Variants in LGR4 observed in about 807,000 individuals in gnomAD.
LGR4 encodes leucine rich repeat containing G protein-coupled receptor 4.
LGR4 carries 44 observed loss-of-function variants against 84.8 expected under a neutral mutation model. The ratio of observed to expected loss-of-function variants is 0.52; its 90% CI spans 0.41 to 0.67. The LOEUF (loss-of-function observed/expected upper bound fraction) is 0.67, where lower values mean the gene tolerates loss of function less well. LGR4 is among the 30% of genes least tolerant of loss of function. The pLI is 0.00. For missense variants in LGR4, 1,032 were observed against 1,131.4 expected (o/e 0.91, Z 1.26); for synonymous variants, 429 against 434.3 (o/e 0.99, Z 0.15).
In LGR4 at chr11:27,384,405, T is replaced by C. The variant is rs758727838; in HGVS notation, c.620A>G (p.His207Arg). Reference protein sequence around the residue: ...FTNLSSLVVLHLHNNKIRSLS... With the variant: ...FTNLSSLVVLRLHNNKIRSLS... Reference sequence around the variant, plus strand: ...GCTTCTAATTTTATTGTTATGAAGATGCCTAAGGGGGAAAAAAAGCATAAA... The same window carrying C: ...GCTTCTAATTTTATTGTTATGAAGACGCCTAAGGGGGAAAAAAAGCATAAA... The change falls in exon 6 of 18, where the codon CAT becomes CGT. Residue 207 changes from histidine (H) to arginine (R), a missense_variant and splice_region_variant. Transcript: ENST00000379214. The C allele has an allele frequency of 6.5e-5, 104 of 1,604,946 alleles. No individual in the cohort carries two copies. The highest frequency in any genetic ancestry group is 8.8e-5 in the Non-Finnish European group (103 of 1,173,444).
chr11:27,393,569 T>C (rs188332959), intron 2 of LGR4, among the ~76,000 whole-genome samples: 1 of 152,142 alleles, frequency 6.6e-6, no homozygotes, highest in East Asian at 1.9e-4. Context: ...AAACTTAACA[T>C]TTATAATCCC....
chr11:27,468,508 T>G (rs1213809177), intron 1 of LGR4, among the ~76,000 whole-genome samples: 1 of 152,166 alleles, frequency 6.6e-6, no homozygotes, highest in East Asian at 1.9e-4. Flanking sequence ...GAGGGTGGTG[T>G]GAGCTCAACT....
chr11:27,393,951 G>A (rs1360249654), intron 2 of LGR4, among the ~76,000 whole-genome samples: 1 of 119,258 alleles, frequency 8.4e-6, no homozygotes, highest in African/African-American at 3.0e-5. Context: ...GGGGGGGGGG[G>A]GGGCGCGGGA....
intron 13 of LGR4, 46 bp from the exon 14 acceptor site, chr11:27,374,092 GA>G: frequency 8.3e-7 from 1 of 1,201,600 alleles, no homozygotes; most frequent in South Asian, 1.2e-5. Context: ...TAAACACTCA[GA>G]ATGCCACTTA....
At position 27,392,515 on chromosome 11, in the gene LGR4, T is replaced by C. The variant is rs756926116; in HGVS notation, c.261A>G (p.Gln87=). Residue 87 remains glutamine (Q), a synonymous_variant, in exon 3 of 18, where the codon CAA becomes CAG. Transcript: ENST00000379214. ...FKNFPFLEEL[Q]LAGNDLSFIH... is the part of the protein sequence containing the mutation. ...TAAAAGAAAGGTCGTTGCCCGCCAATTGTCTAGAGAAAAAAAAAAAAAAAG... is the reference window on the plus strand; with the variant it reads ...TAAAAGAAAGGTCGTTGCCCGCCAACTGTCTAGAGAAAAAAAAAAAAAAAG... 4 of 1,565,112 alleles carry C rather than the reference T, an allele frequency of 2.6e-6. No individual in the cohort carries two copies. Among genetic ancestry groups the C allele is most frequent in the Non-Finnish European group, 3.4e-6 (4 of 1,161,146 alleles).
chr11:27,404,128 G>A (rs1022762355), intron 2 of LGR4, among the ~76,000 whole-genome samples: 8 of 152,118 alleles, frequency 5.3e-5, no homozygotes, highest in African/African-American at 1.4e-4. Context: ...CTTACAGTCA[G>A]TACTATATTT....
At chr11:27,387,010 C>G (rs6484296) in intron 4 of LGR4, among the ~76,000 whole-genome samples, 150,560 of 152,304 alleles carry the variant, frequency 0.99, 74,440 homozygotes, top group East Asian at 1. Context: ...GCAGATAGAA[C>G]TGTGTTCAAA....
chr11:27,436,383 G>GAGAGGAT (rs1864211119), intron 1 of LGR4, among the ~76,000 whole-genome samples: 1 of 146,476 alleles, frequency 6.8e-6, no homozygotes, highest in Non-Finnish European at 1.5e-5. Flanking sequence ...GAGAGAGAGA[G>GAGAGGAT]AGGATGGGAG....
chr11:27,415,736 G>A (rs899157377), intron 1 of LGR4, among the ~76,000 whole-genome samples: 3 of 152,068 alleles, frequency 2.0e-5, no homozygotes, highest in African/African-American at 7.2e-5. Flanking sequence ...AGTTGGGTGT[G>A]GGGGCAGTGG....
rs1318003086 is a variant in LGR4, at chr11:27,472,477, G to C, written c.-175C>G. 2 of 414,222 alleles carry C rather than the reference G, an allele frequency of 4.8e-6. No individual in the cohort carries two copies. Among genetic ancestry groups the C allele is most frequent in the African/African-American group, 4.1e-5 (2 of 48,430 alleles). The allele number at this position is 414,222 out of a possible 1,614,324, so 25.7% of individuals were successfully genotyped here. A position where few individuals can be genotyped will look rare whatever the true frequency, so the allele number is the denominator to read the frequency against. On this transcript the variant is annotated 5_prime_UTR_variant, in exon 1 of 18. Transcript: ENST00000379214. ...GTCCGCCGCAGCGGCGCAGGGACGC[G>C]GCGCTCCGGAGTTTCGCCCTTCCCG...
chr11:27,396,406 T>C (rs1401562383), intron 2 of LGR4, among the ~76,000 whole-genome samples: 1 of 152,162 alleles, frequency 6.6e-6, no homozygotes, highest in Non-Finnish European at 1.5e-5. Flanking sequence ...ATCCTTCCCA[T>C]AGCCAAAGAT....
In LGR4 at chr11:27,373,958, C is replaced by A. The variant is rs1477626549; in HGVS notation, c.1253+17G>T. Reference sequence around the variant, plus strand: ...AGTTACTACTTTCATGACATTACTGCATAATCATCCACTTACAGGTTAGTT... The same window carrying A: ...AGTTACTACTTTCATGACATTACTGAATAATCATCCACTTACAGGTTAGTT... On this transcript the variant is annotated intron_variant, in intron 14 of 17. Transcript: ENST00000379214. 1 of 1,546,246 alleles carries A rather than the reference C, an allele frequency of 6.5e-7. No homozygotes were observed. The highest frequency in any genetic ancestry group is 8.9e-7 in the Non-Finnish European group (1 of 1,118,438).
chr11:27,463,082 A>G (rs960748150), intron 1 of LGR4, among the ~76,000 whole-genome samples: 55 of 150,102 alleles, frequency 3.7e-4, no homozygotes, highest in African/African-American at 1.3e-3. Flanking sequence ...AAAAAAAAAA[A>G]AAAAAAAAAA....
At chr11:27,425,903 T>A (rs1439842307) in intron 1 of LGR4, among the ~76,000 whole-genome samples, 4 of 152,206 alleles carry the variant, frequency 2.6e-5, no homozygotes, top group Admixed American at 2.6e-4. Context: ...TCCCTGCTCT[T>A]CTCCCTGGAC....
intron 17 of LGR4, 136 bp from the exon 18 acceptor site, chr11:27,369,279 TTAC>T (rs1862837341): frequency 3.4e-6 from 2 of 581,932 alleles, no homozygotes; most frequent in South Asian, 8.3e-5. Context: ...ACTGAACTGA[TTAC>T]TAGTTCTAAG....
rs767853574 is a variant in LGR4 at position 27,367,372 on chromosome 11, TCA to T, written c.*493_*494del. The T allele has an allele frequency of 6.5e-6, 1 of 152,820 alleles. No individual in the cohort carries two copies. The highest frequency in any genetic ancestry group is 1.9e-4 in the East Asian group (1 of 5,192). 9.5% of individuals were successfully genotyped at this position (152,820 alleles called of 1,614,324 possible). A position where few individuals can be genotyped will look rare whatever the true frequency, so the allele number is the denominator to read the frequency against. ...AATAAAGTAATGCCTATGTATACTC[TCA>T]CAGTTCTAGCTGGGACAGTCCCTTT... On this transcript the variant is annotated 3_prime_UTR_variant, in exon 18 of 18. Coordinates refer to ENST00000379214, the MANE Select transcript of LGR4 (RefSeq NM_018490.5).
At chr11:27,379,562 C>G (rs1863052265) in intron 10 of LGR4, among the ~76,000 whole-genome samples, 1 of 152,136 alleles carries the variant, frequency 6.6e-6, no homozygotes, top group Non-Finnish European at 1.5e-5. Context: ...AATATCTTGT[C>G]ACATGTGACC....
At chr11:27,403,982 T>A (rs1365266311) in intron 2 of LGR4, among the ~76,000 whole-genome samples, 1 of 152,190 alleles carries the variant, frequency 6.6e-6, no homozygotes, top group Non-Finnish European at 1.5e-5. Flanking sequence ...TCAAAGGTCC[T>A]ACTAAAGCAC....
intron 1 of LGR4, among the ~76,000 whole-genome samples, chr11:27,454,063 T>C (rs1275833392): frequency 6.6e-6 from 1 of 152,238 alleles, no homozygotes; most frequent in Non-Finnish European, 1.5e-5. Flanking sequence ...GATAAAACTT[T>C]GGTCTCCACA....
Sources: allele counts gnomAD v4.1 joint callset (sites outside exome capture counted in the v4.1 genomes callset), GRCh38; gene constraint gnomAD v4.1.1; transcripts MANE v1.5; gene names NCBI Gene and HGNC (gene_info 2026-07-23, HGNC 2026-07-21).